The following ITPRID1 variants were observed in gnomAD, a reference collection of about 807,000 sequenced individuals.
ITPRID1 encodes the protein ITPR interacting domain containing 1.
In ITPRID1, 96 loss-of-function variants were observed where a neutral mutation model predicts 95.4. The observed-to-expected ratio is 1.01, with a 90% CI of 0.85 to 1.19. The LOEUF is 1.19. ITPRID1 is among the 50% of genes most tolerant of loss of function. The pLI is 0.00. For synonymous variants in ITPRID1, 510 were observed against 453.6 expected, an observed-to-expected ratio of 1.12 and a Z score of -1.58; for missense variants, 1,339 against 1,252.9, an observed-to-expected ratio of 1.07 and a Z score of -1.04.
chr7:31,519,621 T>C lies in ITPRID1; in HGVS notation c.-98+5501T>C, dbSNP rs1046445419. ...CTCTCTCTCTCTCTCTCTCTCTCTCTATATATATATATATATATATATATA... is the reference window on the plus strand; with the variant it reads ...CTCTCTCTCTCTCTCTCTCTCTCTCCATATATATATATATATATATATATA... On this transcript the variant is annotated intron_variant, in intron 1 of 14. Coordinates refer to ENST00000615280, the MANE Select transcript of ITPRID1 (RefSeq NM_001257967.3). Among the ~76,000 whole-genome samples, 60 of 30,164 alleles carry C rather than the reference T, an allele frequency of 2.0e-3. 2 individuals are homozygous for C. The highest frequency in any genetic ancestry group is 4.2e-3 in the South Asian group (3 of 706). 19.8% of individuals were successfully genotyped at this position (30,164 alleles called of 152,430 possible).
intron 10 of ITPRID1, among the ~76,000 whole-genome samples, chr7:31,592,202 T>G (rs907006332): frequency 2.0e-5 from 3 of 152,180 alleles, no homozygotes; most frequent in Non-Finnish European, 2.9e-5. Context: ...GACAATGTCC[T>G]CAAGTAAGTG....
At chr7:31,553,557 A>C (rs1008642106) in intron 3 of ITPRID1, among the ~76,000 whole-genome samples, 1 of 152,224 alleles carries the variant, frequency 6.6e-6, no homozygotes, top group Non-Finnish European at 1.5e-5. Flanking sequence ...TGCAGGAGGC[A>C]TTGACAAAAA....
chr7:31,544,991 G>GTCAT (rs1350365654), intron 1 of ITPRID1, among the ~76,000 whole-genome samples: 1 of 152,082 alleles, frequency 6.6e-6, no homozygotes, highest in Non-Finnish European at 1.5e-5. Context: ...ATAAGTCATG[G>GTCAT]TCATTGCCTT....
chr7:31,586,726 G>C (rs1785628822), intron 10 of ITPRID1, among the ~76,000 whole-genome samples: 1 of 152,024 alleles, frequency 6.6e-6, no homozygotes, highest in Non-Finnish European at 1.5e-5. Context: ...GTTCATTGTA[G>C]ATTCTGGATA....
chr7:31,598,233 C>A (rs2128158047), intron 10 of ITPRID1, among the ~76,000 whole-genome samples: 1 of 152,104 alleles, frequency 6.6e-6, no homozygotes, highest in Non-Finnish European at 1.5e-5. Flanking sequence ...AAAAAGTACA[C>A]ACTCTAAAAA....
chr7:31,616,325 A>C (rs1226783936), intron 10 of ITPRID1, among the ~76,000 whole-genome samples: 1 of 152,194 alleles, frequency 6.6e-6, no homozygotes, highest in Non-Finnish European at 1.5e-5. Flanking sequence ...CTAGTAGTGA[A>C]TATATGCATA....
chr7:31,569,746 T>C lies in ITPRID1; in HGVS notation c.257-12T>C, dbSNP rs1237984017. 1.9e-6 allele frequency: 3 copies of C among 1,572,442 alleles called. No individual in the cohort carries two copies. Among genetic ancestry groups the C allele is most frequent in the African/African-American group, 2.7e-5 (2 of 74,322 alleles). On this transcript the variant is annotated splice_polypyrimidine_tract_variant and intron_variant, in intron 5 of 14. Coordinates refer to ENST00000615280, the MANE Select transcript of ITPRID1 (RefSeq NM_001257967.3). ...GAAATAAAGTTCCCCTCTACTTTTTTTGTTGTTGCAGTTTCTTTGTATGAA... is the reference window on the plus strand; with the variant it reads ...GAAATAAAGTTCCCCTCTACTTTTTCTGTTGTTGCAGTTTCTTTGTATGAA...
At position 31,654,013 on chromosome 7, in the gene ITPRID1, T is replaced by G. The variant is rs1320634335; in HGVS notation, c.*1184T>G. On this transcript the variant is annotated 3_prime_UTR_variant, in exon 15 of 15. Coordinates refer to ENST00000615280, the MANE Select transcript of ITPRID1 (RefSeq NM_001257967.3). ...TGGAGACAGCCATAAATAAGACAGA[T>G]GGACTTTCTACTCAGAAAGAGTTGG... is the stretch of plus-strand genomic sequence containing the variant. Among the ~76,000 whole-genome samples, 1 of 137,922 alleles carries G rather than the reference T, an allele frequency of 7.3e-6. No homozygotes were observed. The highest frequency in any genetic ancestry group is 1.5e-5 in the Non-Finnish European group (1 of 65,948). 90.5% of individuals were successfully genotyped at this position (137,922 alleles called of 152,430 possible).
intron 10 of ITPRID1, among the ~76,000 whole-genome samples, chr7:31,589,835 G>C (rs1785785081): frequency 6.6e-6 from 1 of 152,156 alleles, no homozygotes; most frequent in Non-Finnish European, 1.5e-5. Flanking sequence ...AGGGTATTGT[G>C]GTGTTGTATA....
chr7:31,642,585 T>C, intron 11 of ITPRID1, 97 bp from the exon 12 acceptor site: 1 of 1,107,558 alleles, frequency 9.0e-7, no homozygotes, highest in Non-Finnish European at 1.3e-6. Flanking sequence ...CCTTATCTCC[T>C]GACTCCTAAG....
chr7:31,568,979 T>C (rs1784892118), intron 5 of ITPRID1, among the ~76,000 whole-genome samples: 2 of 152,204 alleles, frequency 1.3e-5, no homozygotes, highest in Non-Finnish European at 2.9e-5. Flanking sequence ...CAATAATATC[T>C]ATTTCAGGGA....
intron 10 of ITPRID1, among the ~76,000 whole-genome samples, chr7:31,630,996 A>G (rs1424282631): frequency 3.3e-5 from 5 of 152,200 alleles, no homozygotes; most frequent in African/African-American, 1.2e-4. Context: ...TCAGTTGGTG[A>G]CATTAGAAAA....
At chr7:31,619,880 T>G (rs1787651271) in intron 10 of ITPRID1, among the ~76,000 whole-genome samples, 1 of 152,154 alleles carries the variant, frequency 6.6e-6, no homozygotes, top group African/African-American at 2.4e-5. Flanking sequence ...AGATGGCACC[T>G]GGAAAATCGG....
intron 10 of ITPRID1, among the ~76,000 whole-genome samples, chr7:31,623,880 T>A (rs574974350): frequency 7.2e-5 from 11 of 152,126 alleles, no homozygotes; most frequent in Non-Finnish European, 1.6e-4. Context: ...CCCCATTGTC[T>A]CAGCCCAAAA....
In ITPRID1 at chr7:31,574,926, G is replaced by A. The variant is rs1583518554; in HGVS notation, c.598+184G>A. On this transcript the variant is annotated intron_variant, in intron 8 of 14. Coordinates refer to ENST00000615280, the MANE Select transcript of ITPRID1 (RefSeq NM_001257967.3). ...AGTGGGAGTTGGTGTGTATGTTTTG[G>A]AGAAAGGAGTATCTATTTGCTCCAT... 2.0e-5 allele frequency among the ~76,000 whole-genome samples: 3 copies of A among 152,156 alleles called. 1 individual carries two copies. Among genetic ancestry groups the A allele is most frequent in the South Asian group, 4.1e-4 (2 of 4,826 alleles).
chr7:31,602,406 T>C (rs986845928), intron 10 of ITPRID1, among the ~76,000 whole-genome samples: 33 of 152,196 alleles, frequency 2.2e-4, no homozygotes, highest in African/African-American at 7.5e-4. Context: ...GACTTTTTTT[T>C]ACCATACACA....
intron 5 of ITPRID1, among the ~76,000 whole-genome samples, chr7:31,563,688 TGGG>T (rs1784699453): frequency 6.6e-6 from 1 of 151,714 alleles, no homozygotes; most frequent in Admixed American, 6.6e-5. Context: ...ATCCTGGCAG[TGGG>T]GAGGGGGAAC....
Position 31,651,224 on chromosome 7 carries a change from T to C in ITPRID1, c.2666T>C (p.Met889Thr), listed in dbSNP as rs1336203160. The C allele has an allele frequency of 3.1e-6, 5 of 1,613,584 alleles. No homozygotes were observed. The East Asian group carries it at 8.9e-5, about 29-fold the overall frequency. Residue 889 changes from methionine to threonine, a missense_variant, in exon 13 of 15, where the codon ATG becomes ACG. By Grantham distance (81) the Met-to-Thr change is moderately conservative. Transcript: ENST00000615280. The stretch of plus-strand genomic sequence containing the variant: ...TTAGAAGAAATTGAACAGCACCTTA[T>C]GGGACAGCAGGCCCTCTTTTCCAGG... ...EYLEEIEQHL[M>T]GQQALFSRDM... is the part of the protein sequence containing the mutation.
At chr7:31,625,612 G>T (rs959187206) in intron 10 of ITPRID1, among the ~76,000 whole-genome samples, 2 of 152,030 alleles carry the variant, frequency 1.3e-5, no homozygotes, top group Non-Finnish European at 2.9e-5. Flanking sequence ...TCACACTCTG[G>T]GGACTGTTGT....
Sources: gnomAD v4.1 joint callset for allele counts (sites outside exome capture counted in the v4.1 genomes callset) on GRCh38, gnomAD v4.1.1 for gene constraint, MANE v1.5 for transcripts, NCBI Gene and HGNC (gene_info 2026-07-23, HGNC 2026-07-21) for gene names.